The following DDX55 variants were observed in gnomAD, a reference collection of about 807,000 sequenced individuals.
DDX55 encodes the protein DEAD-box helicase 55.
Under a neutral mutation model 69.2 loss-of-function variants are expected in DDX55, and 56 were observed. The observed-to-expected ratio is 0.81, with a 90% CI of 0.65 to 1.01. The LOEUF (loss-of-function observed/expected upper bound fraction) is 1.01, where lower values mean the gene tolerates loss of function less well. Among genes scored for constraint, DDX55 ranks in the 50% least tolerant of loss-of-function variants. The probability of loss-of-function intolerance (pLI) is 0.00; values close to 1 mark genes in which losing one functional copy is unlikely to be tolerated. For synonymous variants in DDX55, 268 were observed against 273.1 expected, an observed-to-expected ratio of 0.98 and a Z score of 0.18; for missense variants, 720 against 745.1, an observed-to-expected ratio of 0.97 and a Z score of 0.39.
chr12:123,602,211 G>T lies in DDX55; in HGVS notation c.63G>T (p.Leu21=). The change falls in exon 1 of 14, where the codon CTG becomes CTT. Residue 21 remains leucine, a synonymous_variant. Transcript: ENST00000238146. Reference sequence around the variant, plus strand: ...CTGTGCCGCTGCACCCGCAGGTGCTGGGCGCGCTGCGGGAGCTGGGCTTCC... The same window carrying T: ...CTGTGCCGCTGCACCCGCAGGTGCTTGGCGCGCTGCGGGAGCTGGGCTTCC... ...SLPVPLHPQV[L]GALRELGFPY... is the part of the protein sequence containing the mutation. The T allele has an allele frequency of 1.9e-6, 3 of 1,574,000 alleles. No individual in the cohort carries two copies. The highest frequency in any genetic ancestry group is 4.7e-5 in the East Asian group (2 of 42,962).
At chr12:123,609,079 G>A (rs1031257266) in intron 6 of DDX55, among the ~76,000 whole-genome samples, 2 of 151,858 alleles carry the variant, frequency 1.3e-5, no homozygotes, top group Non-Finnish European at 2.9e-5. Context: ...TCAGCCTCCC[G>A]GGTAGCTGGG....
chr12:123,605,495 C>T (rs907285446), intron 1 of DDX55: 1 of 306,960 alleles, frequency 3.3e-6, no homozygotes, highest in Non-Finnish European at 6.4e-6. Flanking sequence ...GAGGGAGCAG[C>T]CTCCAGGCCA....
chr12:123,604,929 T>G (rs544988072), intron 1 of DDX55: 1 of 152,334 alleles, frequency 6.6e-6, no homozygotes, highest in Admixed American at 6.5e-5. Flanking sequence ...TTTTTTGTTA[T>G]GGGGCTGTCC....
chr12:123,616,003 C>T (rs1221004328), intron 9 of DDX55, among the ~76,000 whole-genome samples: 1 of 151,862 alleles, frequency 6.6e-6, no homozygotes, highest in Non-Finnish European at 1.5e-5. Context: ...AACAAAGAAA[C>T]AAAAAAACAA....
At chr12:123,612,777 A>T (rs1954349231) in intron 7 of DDX55, among the ~76,000 whole-genome samples, 1 of 151,662 alleles carries the variant, frequency 6.6e-6, no homozygotes, top group African/African-American at 2.4e-5. Flanking sequence ...ATGCCAGGCC[A>T]GGAGTTCGAT....
At position 123,613,077 on chromosome 12, in the gene DDX55, C is replaced by T. The variant is rs542302586; in HGVS notation, c.742-93C>T. ...TCTGTCCTACCCATGGGGGAAATGA[C>T]ATTCCTTAAAATTTAATGCTGAAAC... is the stretch of plus-strand genomic sequence containing the variant. On this transcript the variant is annotated intron_variant, in intron 7 of 13. Coordinates refer to ENST00000238146, the MANE Select transcript of DDX55 (RefSeq NM_020936.3). The T allele has an allele frequency of 2.2e-5, 29 of 1,332,548 alleles. 1 individual carries two copies. In the South Asian group the frequency reaches 3.5e-4, roughly 16 times the overall value. 82.5% of individuals were successfully genotyped at this position (1,332,548 alleles called of 1,614,324 possible).
intron 8 of DDX55, among the ~76,000 whole-genome samples, chr12:123,614,797 C>T (rs753920619): frequency 2.6e-5 from 4 of 152,096 alleles, no homozygotes; most frequent in Non-Finnish European, 4.4e-5. Context: ...GTTCCCTAAA[C>T]GGAAAGCAGA....
At chr12:123,608,527 C>T in intron 5 of DDX55, 153 bp from the exon 6 acceptor site, 1 of 892,076 alleles carries the variant, frequency 1.1e-6, no homozygotes, top group South Asian at 1.9e-5. Flanking sequence ...CTCAGTCTTT[C>T]TACCCTGCAG....
intron 1 of DDX55, among the ~76,000 whole-genome samples, chr12:123,603,925 T>G (rs1953728443): frequency 6.6e-6 from 1 of 152,034 alleles, no homozygotes; most frequent in Admixed American, 6.6e-5. Flanking sequence ...ATCTCAGCCT[T>G]CCAAGTAGCT....
chr12:123,607,723 A>G, intron 5 of DDX55, 61 bp downstream of exon 5: 1 of 1,611,644 alleles, frequency 6.2e-7, no homozygotes, highest in South Asian at 1.1e-5. Flanking sequence ...CTAAGAATCG[A>G]TGTGTGATCT....
intron 9 of DDX55, 82 bp from the exon 10 acceptor site, chr12:123,616,429 C>A (rs1954672003): frequency 7.9e-7 from 1 of 1,262,316 alleles, no homozygotes; most frequent in African/African-American, 1.5e-5. Context: ...CTGTGTGTCA[C>A]TGTCATCGAG....
chr12:123,608,739 A>G lies in DDX55; in HGVS notation c.461A>G (p.Glu154Gly), dbSNP rs17886035. ...RLEDMFRRKA[E>G]GLDLASCVRS... is the part of the protein sequence containing the mutation. ...GAGGACATGTTCCGGAGGAAGGCCG[A>G]AGGCTTGGATCTGGCCAGCTGTGTG... Residue 154 changes from glutamate (E) to glycine (G), a missense_variant, in exon 6 of 14, where the codon GAA (glutamate) becomes GGA (glycine). Physicochemically the swap from Glu to Gly is moderately conservative, Grantham distance 98 (BLOSUM62 -2). Coordinates refer to ENST00000238146, the MANE Select transcript of DDX55 (RefSeq NM_020936.3). The G allele has an allele frequency of 3.1e-6, 5 of 1,614,164 alleles. No homozygotes were observed. In the African/African-American group the frequency reaches 6.7e-5, roughly 22 times the overall value.
rs1163568329 is a variant in DDX55 at position 123,620,671 on chromosome 12, A to G, written c.*531A>G. The G allele has an allele frequency of 2.1e-5, 3 of 142,680 alleles. No individual in the cohort carries two copies. Among genetic ancestry groups the G allele is most frequent in the Non-Finnish European group, 4.6e-5 (3 of 65,392 alleles). The allele number at this position is 142,680 out of a possible 1,614,324, so 8.8% of individuals were successfully genotyped here. ...CTATTTTATAGTTATTTTTAAACAT[A>G]AAGATACAGAAGTCTTCTTGACTTC... On this transcript the variant is annotated 3_prime_UTR_variant, in exon 14 of 14. Transcript: ENST00000238146.
chr12:123,612,943 G>T (rs1217483213), intron 7 of DDX55, among the ~76,000 whole-genome samples: 1 of 152,144 alleles, frequency 6.6e-6, no homozygotes, highest in Non-Finnish European at 1.5e-5. Flanking sequence ...GGATGACTGT[G>T]TTTCTCTGAG....
At chr12:123,618,622 T>C (rs1023812968) in intron 11 of DDX55, 47 bp from the exon 12 acceptor site, 2 of 1,591,338 alleles carry the variant, frequency 1.3e-6, no homozygotes, top group African/African-American at 2.7e-5. Context: ...CCTGGGGATA[T>C]GATGCCAGCC....
intron 8 of DDX55, among the ~76,000 whole-genome samples, chr12:123,614,113 A>G (rs544765077): frequency 1.7e-4 from 26 of 152,320 alleles, no homozygotes; most frequent in African/African-American, 5.1e-4. Flanking sequence ...AAACAAGACA[A>G]TAAAACAAAG....
rs1220252735 is a variant in DDX55 at position 123,620,719 on chromosome 12, G to T, written c.*579G>T. The T allele has an allele frequency of 6.7e-6, 1 of 149,720 alleles. No homozygotes were observed. The highest frequency in any genetic ancestry group is 2.5e-5 in the African/African-American group (1 of 40,716). 9.3% of individuals were successfully genotyped at this position (149,720 alleles called of 1,614,324 possible). ...TTCTGATTTTCAAAACCATTCCTCA[G>T]TATCTTCAGGCATTTGACCTCCTGA... On this transcript the variant is annotated 3_prime_UTR_variant, in exon 14 of 14. Coordinates refer to ENST00000238146, the MANE Select transcript of DDX55 (RefSeq NM_020936.3).
In DDX55 at chr12:123,617,829, C is replaced by T. The variant is rs1344555459; in HGVS notation, c.1121C>T (p.Pro374Leu). The T allele has an allele frequency of 1.7e-5, 28 of 1,614,012 alleles. No homozygotes were observed. The highest frequency in any genetic ancestry group is 2.2e-5 in the Non-Finnish European group (26 of 1,180,032). The change falls in exon 11 of 14, where the codon CCC (proline) becomes CTC (leucine). Residue 374 changes from proline (P) to leucine (L), a missense_variant. Pro to Leu is a moderately conservative substitution (Grantham distance 98). Coordinates refer to ENST00000238146, the MANE Select transcript of DDX55 (RefSeq NM_020936.3). The part of the protein sequence containing the change: ...HGGSALVFLL[P>L]MEESYINFLA... ...GGCAGCGCTCTGGTGTTCCTCCTGC[C>T]CATGGAAGAGTCATACATCAATTTC...
chr12:123,620,495 A>C lies in DDX55; in HGVS notation c.*355A>C. ...ACAATTCCAGTCTTGGAGTAGTCTAACAGAAGAAAATGTAAAATTATTTGA... is the reference window on the plus strand; with the variant it reads ...ACAATTCCAGTCTTGGAGTAGTCTACCAGAAGAAAATGTAAAATTATTTGA... On this transcript the variant is annotated 3_prime_UTR_variant, in exon 14 of 14. Coordinates refer to ENST00000238146, the MANE Select transcript of DDX55 (RefSeq NM_020936.3). The C allele has an allele frequency of 6.3e-6, 1 of 159,198 alleles. No homozygotes were observed. Among genetic ancestry groups the C allele is most frequent in the South Asian group, 1.8e-4 (1 of 5,488 alleles). 9.9% of individuals were successfully genotyped at this position (159,198 alleles called of 1,614,324 possible).
Sources: allele counts gnomAD v4.1 joint callset (sites outside exome capture counted in the v4.1 genomes callset), GRCh38; gene constraint gnomAD v4.1.1; transcripts MANE v1.5; gene names NCBI Gene and HGNC (gene_info 2026-07-23, HGNC 2026-07-21).